Variants in HPGD observed in about 807,000 individuals in gnomAD.
HPGD encodes 15-hydroxyprostaglandin dehydrogenase, also known as 15-hydroxyprostaglandin dehydrogenase [NAD(+)].
Under a neutral mutation model 30.0 loss-of-function variants are expected in HPGD, and 29 were observed. That is an observed-to-expected ratio of 0.97 (90% CI 0.72 to 1.32). The LOEUF is 1.32. Ranked by LOEUF, HPGD falls within the 40% of genes most tolerant of loss-of-function variation. The pLI, the probability that HPGD is intolerant of heterozygous loss-of-function variation, is 0.00. For synonymous variants in HPGD, 99 were observed against 112.4 expected, an observed-to-expected ratio of 0.88 and a Z score of 0.75; for missense variants, 340 against 322.1, an observed-to-expected ratio of 1.06 and a Z score of -0.43.
At chr4:174,501,635 C>T (rs758025124) in intron 4 of HPGD, among the ~76,000 whole-genome samples, 14 of 151,758 alleles carry the variant, frequency 9.2e-5, no homozygotes, top group Admixed American at 3.9e-4. Context: ...ATTCTACCCA[C>T]AAAACAAAGA....
At chr4:174,513,112 T>A (rs1692123541) in intron 3 of HPGD, among the ~76,000 whole-genome samples, 1 of 152,220 alleles carries the variant, frequency 6.6e-6, no homozygotes, top group Admixed American at 6.5e-5. Context: ...ACAGCAAGTG[T>A]CCATTAGGAA....
At position 174,496,847 on chromosome 4, in the gene HPGD, G is replaced by C. The variant is rs1005022265; in HGVS notation, c.422-1223C>G. 6.6e-6 allele frequency among the ~76,000 whole-genome samples: 1 copy of C among 152,192 alleles called. No individual in the cohort carries two copies. The highest frequency in any genetic ancestry group is 2.4e-5 in the African/African-American group (1 of 41,440). On this transcript the variant is annotated intron_variant, in intron 4 of 6. Transcript: ENST00000296522. This position sits in a 1 kb window ranked among gnomAD's most constrained non-coding sequence, Gnocchi z 4.6. Reference sequence around the variant, plus strand: ...CAATTTATAAAGTATGTTTGCACAAGGGCAGTTTAAATCCCTGAGGATGGT... The same window carrying C: ...CAATTTATAAAGTATGTTTGCACAACGGCAGTTTAAATCCCTGAGGATGGT...
At position 174,508,310 on chromosome 4, in the gene HPGD, C is replaced by T. The variant is rs45607034; in HGVS notation, c.421+386G>A. 1.2e-3 allele frequency: 664 copies of T among 566,268 alleles called. 6 individuals carry two copies. Among genetic ancestry groups the T allele is most frequent in the African/African-American group, 0.011 (616 of 53,648 alleles). The allele number at this position is 566,268 out of a possible 1,614,324, so 35.1% of individuals were successfully genotyped here. On this transcript the variant is annotated intron_variant, in intron 4 of 6. Coordinates refer to ENST00000296522, the MANE Select transcript of HPGD (RefSeq NM_000860.6). Reference sequence around the variant, plus strand: ...TGATATATGCCATATTTTAAAATTACACACTGTTACTAAAATCACATGGGA... The same window carrying T: ...TGATATATGCCATATTTTAAAATTATACACTGTTACTAAAATCACATGGGA...
chr4:174,503,498 C>T (rs1655941164), intron 4 of HPGD, among the ~76,000 whole-genome samples: 1 of 152,142 alleles, frequency 6.6e-6, no homozygotes, highest in Non-Finnish European at 1.5e-5. Flanking sequence ...TACCACAATG[C>T]CTGGAGCTTG....
rs1464516705 is a variant in HPGD at position 174,491,086 on chromosome 4, TA to T, written c.*869del. ...ACTAAGTAATTTATGGAGATCAGAATAAAAAAGTTTTATTGAAGGGTAGGCA... is the reference window on the plus strand; with the variant it reads ...ACTAAGTAATTTATGGAGATCAGAATAAAAAGTTTTATTGAAGGGTAGGCA... On this transcript the variant is annotated 3_prime_UTR_variant, in exon 7 of 7. Coordinates refer to ENST00000296522, the MANE Select transcript of HPGD (RefSeq NM_000860.6). 1.3e-5 allele frequency: 2 copies of T among 152,636 alleles called. No individual in the cohort carries two copies. Among genetic ancestry groups the T allele is most frequent in the Non-Finnish European group, 2.9e-5 (2 of 67,944 alleles). 9.5% of individuals were successfully genotyped at this position (152,636 alleles called of 1,614,324 possible).
At chr4:174,498,855 A>G (rs1455706052) in intron 4 of HPGD, among the ~76,000 whole-genome samples, 1 of 152,120 alleles carries the variant, frequency 6.6e-6, no homozygotes, top group East Asian at 1.9e-4. Context: ...CCTATACTTC[A>G]GTTTGTTGCT....
In HPGD at chr4:174,492,222, G is replaced by T; in HGVS notation, c.663-128C>A. The T allele has an allele frequency of 1.3e-6, 1 of 790,116 alleles. No individual in the cohort carries two copies. Among genetic ancestry groups the T allele is most frequent in the Non-Finnish European group, 2.1e-6 (1 of 473,318 alleles). 48.9% of individuals were successfully genotyped at this position (790,116 alleles called of 1,614,324 possible). On this transcript the variant is annotated intron_variant, in intron 6 of 6. Coordinates refer to ENST00000296522, the MANE Select transcript of HPGD (RefSeq NM_000860.6). This position sits in a 1 kb window ranked among gnomAD's most constrained non-coding sequence, Gnocchi z 4.9. ...GGGAAATGTGTGTCATTAAACTATT[G>T]CTACTTCCAATTTTTATTTAATTCC... is the stretch of plus-strand genomic sequence containing the variant.
chr4:174,491,983 T>C lies in HPGD; in HGVS notation c.774A>G (p.Thr258=). The C allele has an allele frequency of 6.2e-7, 1 of 1,612,190 alleles. No individual in the cohort carries two copies. The highest frequency in any genetic ancestry group is 2.2e-5 in the East Asian group (1 of 44,706). The change falls in exon 7 of 7, where the codon ACA becomes ACG. Residue 258 remains threonine, a synonymous_variant. Coordinates refer to ENST00000296522, the MANE Select transcript of HPGD (RefSeq NM_000860.6). ...ATTGGGTTTTTGCTTGAAATGGAGT[T>C]GTATCATAGTCTTGAAAATGAATTC... is the stretch of plus-strand genomic sequence containing the variant. The part of the protein sequence containing the change: ...SKGIHFQDYD[T]TPFQAKTQ
At position 174,496,062 on chromosome 4, in the gene HPGD, G is replaced by T. The variant is rs1560976127; in HGVS notation, c.422-438C>A. Among the ~76,000 whole-genome samples, 1 of 152,190 alleles carries T rather than the reference G, an allele frequency of 6.6e-6. No homozygotes were observed. The highest frequency in any genetic ancestry group is 6.5e-5 in the Admixed American group (1 of 15,284). On this transcript the variant is annotated intron_variant, in intron 4 of 6. Coordinates refer to ENST00000296522, the MANE Select transcript of HPGD (RefSeq NM_000860.6). The surrounding 1 kb of genome is among the most constrained non-coding windows in gnomAD (Gnocchi z 4.6). ...CTGAAGGAATTTGAATCTTCAGAGA[G>T]TCTTGGAGATTATTAGTCTTCACTA...
rs183807404 is a variant in HPGD at position 174,490,331 on chromosome 4, T to C, written c.*1625A>G. The C allele has an allele frequency of 5.9e-5, 9 of 152,422 alleles. No individual in the cohort carries two copies. The highest frequency in any genetic ancestry group is 8.8e-5 in the Non-Finnish European group (6 of 68,020). 9.4% of individuals were successfully genotyped at this position (152,422 alleles called of 1,614,324 possible). ...TCACATTTTTCAATTCTACTTGATA[T>C]TTGATTTTAAATGTCTACATAATTT... On this transcript the variant is annotated 3_prime_UTR_variant, in exon 7 of 7. Transcript: ENST00000296522. The surrounding 1 kb of genome is among the most constrained non-coding windows in gnomAD (Gnocchi z 4.4).
At chr4:174,506,573 C>T (rs527382335) in intron 4 of HPGD, among the ~76,000 whole-genome samples, 45 of 152,278 alleles carry the variant, frequency 3.0e-4, no homozygotes, top group African/African-American at 9.9e-4. Flanking sequence ...TCACACTTCT[C>T]CTGCCTTAGT....
chr4:174,508,113 G>A, intron 4 of HPGD: 1 of 702,174 alleles, frequency 1.4e-6, no homozygotes, highest in Non-Finnish European at 2.6e-6. Flanking sequence ...AGTAACCCTG[G>A]GAGCTCCCTG....
chr4:174,508,854 C>T, intron 3 of HPGD, 62 bp from the exon 4 acceptor site: 1 of 912,590 alleles, frequency 1.1e-6, no homozygotes, highest in South Asian at 1.3e-5. Context: ...TATTTTCACA[C>T]ACCAAAGTTT....
chr4:174,513,460 AT>A (rs369816777), intron 3 of HPGD, among the ~76,000 whole-genome samples: 2,614 of 147,116 alleles, frequency 0.018, 58 homozygotes, highest in African/African-American at 0.053. Context: ...TAAAATGCAT[AT>A]TTTTTTTTTT....
In HPGD at chr4:174,490,868, T is replaced by C. The variant is rs903927187; in HGVS notation, c.*1088A>G. On this transcript the variant is annotated 3_prime_UTR_variant, in exon 7 of 7. Transcript: ENST00000296522. The surrounding 1 kb of genome is among the most constrained non-coding windows in gnomAD (Gnocchi z 4.4). ...GTGCTTTCACTGTTACTAGTGTTAA[T>C]TACTGCTTGCAAAGAGTTTTACCCA... 1 of 152,316 alleles carries C rather than the reference T, an allele frequency of 6.6e-6. No homozygotes were observed. Among genetic ancestry groups the C allele is most frequent in the Admixed American group, 6.5e-5 (1 of 15,282 alleles). The allele number at this position is 152,316 out of a possible 1,614,324, so 9.4% of individuals were successfully genotyped here.
At position 174,494,988 on chromosome 4, in the gene HPGD, T is replaced by C; in HGVS notation, c.498+560A>G. ...TTGCTTGCCAGGCCCCTTTCAAGCG[T>C]CTCTTTTGTGAGTTATAAAAAGGCA... is the stretch of plus-strand genomic sequence containing the variant. On this transcript the variant is annotated intron_variant, in intron 5 of 6. Coordinates refer to ENST00000296522, the MANE Select transcript of HPGD (RefSeq NM_000860.6). This position sits in a 1 kb window ranked among gnomAD's most constrained non-coding sequence, Gnocchi z 4.9. 6.6e-6 allele frequency among the ~76,000 whole-genome samples: 1 copy of C among 152,124 alleles called. No individual in the cohort carries two copies. Among genetic ancestry groups the C allele is most frequent in the East Asian group, 1.9e-4 (1 of 5,188 alleles).
chr4:174,512,685 AT>A (rs1735568670), intron 3 of HPGD, among the ~76,000 whole-genome samples: 2 of 152,220 alleles, frequency 1.3e-5, no homozygotes, highest in African/African-American at 4.8e-5. Context: ...GAAGTAACAT[AT>A]TTTTAAGTAA....
chr4:174,509,866 T>C (rs778370240), intron 3 of HPGD, among the ~76,000 whole-genome samples: 8 of 150,946 alleles, frequency 5.3e-5, no homozygotes, highest in Non-Finnish European at 1.0e-4. Flanking sequence ...TTGCCACTTA[T>C]ATCCATGTGT....
chr4:174,496,465 C>G lies in HPGD; in HGVS notation c.422-841G>C, dbSNP rs1560976305. Among the ~76,000 whole-genome samples, 1 of 152,124 alleles carries G rather than the reference C, an allele frequency of 6.6e-6. No homozygotes were observed. Among genetic ancestry groups the G allele is most frequent in the Non-Finnish European group, 1.5e-5 (1 of 68,040 alleles). Reference sequence around the variant, plus strand: ...AGACACAAAACAACAACAATAAAAACCTATTTTACTCTAGTAACTATTATT... The same window carrying G: ...AGACACAAAACAACAACAATAAAAAGCTATTTTACTCTAGTAACTATTATT... On this transcript the variant is annotated intron_variant, in intron 4 of 6. Transcript: ENST00000296522. The surrounding 1 kb of genome is among the most constrained non-coding windows in gnomAD (Gnocchi z 4.6).
Sources: gnomAD v4.1 joint callset for allele counts (sites outside exome capture counted in the v4.1 genomes callset) on GRCh38, gnomAD v4.1.1 for gene constraint, Gnocchi (gnomAD v3.1) non-coding constraint, MANE v1.5 for transcripts, NCBI Gene and HGNC (gene_info 2026-07-23, HGNC 2026-07-21) for gene names.